TLN2: variants seen among roughly 807,000 people sequenced by gnomAD.
The protein encoded by TLN2 is talin-2.
TLN2 carries 118 observed loss-of-function variants against 294.7 expected under a neutral mutation model. The observed-to-expected ratio is 0.40, with a 90% CI of 0.34 to 0.47. The LOEUF is 0.47. Ranked by LOEUF, TLN2 falls within the 20% of genes least tolerant of loss-of-function variation. TLN2 has a pLI of 0.84. For synonymous variants in TLN2, 1,431 were observed against 1,304.5 expected, an observed-to-expected ratio of 1.10 and a Z score of -2.09; for missense variants, 3,083 against 3,282.2, an observed-to-expected ratio of 0.94 and a Z score of 1.48.
In TLN2 at chr15:62,840,540, A is replaced by G; in HGVS notation, c.7559A>G (p.Lys2520Arg). 6.2e-7 allele frequency: 1 copy of G among 1,614,220 alleles called. No individual in the cohort carries two copies. Among genetic ancestry groups the G allele is most frequent in the East Asian group, 2.2e-5 (1 of 44,872 alleles). Residue 2520 changes from lysine to arginine, a missense_variant, in exon 59 of 59, where the codon AAA becomes AGA. Coordinates refer to ENST00000636159, the MANE Select transcript of TLN2 (RefSeq NM_015059.3). ...KKERELEEARKKLAQIRQQQY... is the reference protein window; with the variant it reads ...KKERELEEARRKLAQIRQQQY... Reference sequence around the variant, plus strand: ...GAGCGAGAACTGGAAGAAGCAAGGAAAAAACTGGCCCAAATCCGCCAGCAG... The same window carrying G: ...GAGCGAGAACTGGAAGAAGCAAGGAGAAAACTGGCCCAAATCCGCCAGCAG...
intron 3 of TLN2, among the ~76,000 whole-genome samples, chr15:62,642,296 G>C (rs1253370944): frequency 6.6e-6 from 1 of 152,180 alleles, no homozygotes. Context: ...TGAACAATAA[G>C]ATAAAATAGA....
At chr15:62,686,511 G>T in intron 11 of TLN2, 130 bp from the exon 12 acceptor site, 1 of 1,042,054 alleles carries the variant, frequency 9.6e-7, no homozygotes, top group Non-Finnish European at 1.3e-6. Context: ...TCAAAATCTT[G>T]GTTTCCCTAT....
At chr15:62,681,025 G>T (rs968762871) in intron 11 of TLN2, among the ~76,000 whole-genome samples, 7 of 152,164 alleles carry the variant, frequency 4.6e-5, no homozygotes, top group Non-Finnish European at 1.0e-4. Flanking sequence ...GTTGTCAATT[G>T]TGCTGCTATA....
intron 22 of TLN2, among the ~76,000 whole-genome samples, chr15:62,714,493 C>T (rs58568907): frequency 0.32 from 48,877 of 151,804 alleles, 8,283 homozygotes; most frequent in East Asian, 0.64. Context: ...TGAGCCACCG[C>T]GCCCAGCCAC....
At chr15:62,540,658 G>A (rs545694984) in intron 1 of TLN2, among the ~76,000 whole-genome samples, 4 of 152,290 alleles carry the variant, frequency 2.6e-5, no homozygotes, top group African/African-American at 9.6e-5. Context: ...CATAGTGGGA[G>A]TTTTAGGAGT....
chr15:62,685,801 T>C (rs2057237561), intron 11 of TLN2, among the ~76,000 whole-genome samples: 1 of 152,230 alleles, frequency 6.6e-6, no homozygotes, highest in East Asian at 1.9e-4. Flanking sequence ...AAATATTTAT[T>C]GCCCAGTCTT....
chr15:62,567,513 C>T (rs2043503493), intron 1 of TLN2, among the ~76,000 whole-genome samples: 1 of 152,158 alleles, frequency 6.6e-6, no homozygotes, highest in Non-Finnish European at 1.5e-5. Flanking sequence ...ACAAAGCCTC[C>T]CCCAAGGCGA....
At chr15:62,391,341 G>A (rs1249937282) in intron 1 of TLN2, among the ~76,000 whole-genome samples, 1 of 152,230 alleles carries the variant, frequency 6.6e-6, no homozygotes, top group Non-Finnish European at 1.5e-5. Context: ...AGCGACGGGG[G>A]CAGTGCCGGG....
chr15:62,500,476 A>G (rs1330465734), intron 1 of TLN2, among the ~76,000 whole-genome samples: 2 of 152,200 alleles, frequency 1.3e-5, no homozygotes, highest in Admixed American at 6.5e-5. Flanking sequence ...TGGCCTCCAT[A>G]CTGCAAAACA....
chr15:62,596,848 C>T (rs2046571193), intron 2 of TLN2, among the ~76,000 whole-genome samples: 2 of 152,128 alleles, frequency 1.3e-5, no homozygotes, highest in Non-Finnish European at 2.9e-5. Flanking sequence ...AAAGCAACAG[C>T]ATCTTGCCTT....
rs1023880272 is a variant in TLN2, at chr15:62,690,975, C to A, written c.1114-1865C>A. 2.0e-5 allele frequency among the ~76,000 whole-genome samples: 3 copies of A among 146,808 alleles called. No homozygotes were observed. In the South Asian group the frequency reaches 6.6e-4, roughly 32 times the overall value. On this transcript the variant is annotated intron_variant, in intron 12 of 58. Coordinates refer to ENST00000636159, the MANE Select transcript of TLN2 (RefSeq NM_015059.3). ...CCGAGATGGCAGCAGTACAGTCCAG[C>A]TTCGGCTCGGCATCAGAGGGAGACC...
At chr15:62,640,390 T>C (rs1475329047) in intron 3 of TLN2, 8 of 455,598 alleles carry the variant, frequency 1.8e-5, no homozygotes, top group South Asian at 7.7e-5. Context: ...AGGGGGACGG[T>C]GGCCAGCTCT....
chr15:62,765,711 T>C (rs1490883518), intron 40 of TLN2, among the ~76,000 whole-genome samples: 1 of 152,164 alleles, frequency 6.6e-6, no homozygotes, highest in Non-Finnish European at 1.5e-5. Flanking sequence ...ATTCAATTCT[T>C]TAGGGGTGAA....
intron 2 of TLN2, among the ~76,000 whole-genome samples, chr15:62,610,732 A>G (rs2047845394): frequency 6.6e-6 from 1 of 152,176 alleles, no homozygotes; most frequent in South Asian, 2.1e-4. Context: ...GCTGTTCTGC[A>G]CTCGTCCATG....
At chr15:62,691,071 G>C (rs2057864488) in intron 12 of TLN2, among the ~76,000 whole-genome samples, 1 of 145,378 alleles carries the variant, frequency 6.9e-6, no homozygotes, top group African/African-American at 2.6e-5. Context: ...GAGGGGGAGG[G>C]GTATGGGCTT....
At chr15:62,531,194 A>C (rs1408074897) in intron 1 of TLN2, among the ~76,000 whole-genome samples, 1 of 152,246 alleles carries the variant, frequency 6.6e-6, no homozygotes, top group Non-Finnish European at 1.5e-5. Flanking sequence ...CAACAGATGA[A>C]TAGATAAAGA....
intron 1 of TLN2, among the ~76,000 whole-genome samples, chr15:62,526,754 A>G (rs984519667): frequency 2.6e-5 from 4 of 152,188 alleles, no homozygotes; most frequent in African/African-American, 7.2e-5. Flanking sequence ...CTTTATTTCC[A>G]TTTGGAAGTT....
At chr15:62,572,289 G>A (rs1027059088) in intron 1 of TLN2, among the ~76,000 whole-genome samples, 1 of 151,964 alleles carries the variant, frequency 6.6e-6, no homozygotes, top group Non-Finnish European at 1.5e-5. Flanking sequence ...TACCCAGGCT[G>A]GAGTGCAGTG....
intron 2 of TLN2, among the ~76,000 whole-genome samples, chr15:62,611,583 C>T (rs2047918367): frequency 6.6e-6 from 1 of 152,254 alleles, no homozygotes; most frequent in Non-Finnish European, 1.5e-5. Context: ...CTCTCCTTTT[C>T]CTGTAGTACC....
Sources: gnomAD v4.1 joint callset for allele counts (sites outside exome capture counted in the v4.1 genomes callset) on GRCh38, gnomAD v4.1.1 for gene constraint, MANE v1.5 for transcripts, NCBI Gene and HGNC (gene_info 2026-07-23, HGNC 2026-07-21) for gene names.